CACNB4: variants seen among roughly 807,000 people sequenced by gnomAD.
The protein encoded by CACNB4 is calcium voltage-gated channel auxiliary subunit beta 4.
CACNB4 carries 32 observed loss-of-function variants against 71.2 expected under a neutral mutation model. That is an observed-to-expected ratio of 0.45 (90% CI 0.34 to 0.60). The LOEUF (loss-of-function observed/expected upper bound fraction) is 0.60. CACNB4 is among the 20% of genes least tolerant of loss of function. The pLI is 0.01. For synonymous variants in CACNB4, 231 were observed against 236.9 expected (o/e 0.97, Z 0.23); for missense variants, 464 against 647.9 (o/e 0.72, Z 3.08).
In CACNB4 at chr2:151,841,848, C is replaced by T. The variant is rs142283317; in HGVS notation, c.1302+55G>A. On this transcript the variant is annotated intron_variant, in intron 13 of 13. Coordinates refer to ENST00000539935, the MANE Select transcript of CACNB4 (RefSeq NM_000726.5). ...TCCAGTCTCCATCCTAATCAAGTTC[C>T]CATAGAATTTTACATGTAAGGTTGT... 1,397 of 1,487,056 alleles carry T rather than the reference C, an allele frequency of 9.4e-4. 23 individuals are homozygous for T. The East Asian group carries it at 0.028, about 29-fold the overall frequency. 92.1% of individuals were successfully genotyped at this position (1,487,056 alleles called of 1,614,324 possible).
chr2:151,842,355 G>C (rs1490440828), intron 12 of CACNB4, among the ~76,000 whole-genome samples: 1 of 128,664 alleles, frequency 7.8e-6, no homozygotes, highest in East Asian at 2.6e-4. Context: ...TTTTAAGACG[G>C]AGTCTCATTC....
At chr2:152,030,968 C>A (rs943022382) in intron 2 of CACNB4, among the ~76,000 whole-genome samples, 2 of 152,168 alleles carry the variant, frequency 1.3e-5, no homozygotes, top group African/African-American at 2.4e-5. Flanking sequence ...ACAGCCTCAG[C>A]CCTGGGCAGA....
At chr2:152,017,572 G>GT (rs1261574816) in intron 2 of CACNB4, among the ~76,000 whole-genome samples, 2 of 151,964 alleles carry the variant, frequency 1.3e-5, no homozygotes, top group African/African-American at 4.8e-5. Flanking sequence ...GCCGGGCATG[G>GT]TGGCGGGTGC....
chr2:151,909,952 C>T (rs1051596602), intron 2 of CACNB4, among the ~76,000 whole-genome samples: 5 of 152,108 alleles, frequency 3.3e-5, no homozygotes, highest in South Asian at 2.1e-4. Context: ...CTTGAGGAAT[C>T]GCCATACTGT....
chr2:151,856,852 A>G (rs908671154), intron 10 of CACNB4: 2 of 152,070 alleles, frequency 1.3e-5, no homozygotes, highest in Non-Finnish European at 2.9e-5. Flanking sequence ...AGCTGGGACT[A>G]CAGGTGCACA....
chr2:152,073,691 G>T (rs531746165), intron 2 of CACNB4, among the ~76,000 whole-genome samples: 5 of 152,278 alleles, frequency 3.3e-5, no homozygotes, highest in African/African-American at 9.6e-5. Context: ...AAGAGATAAT[G>T]GTGGGCAGAT....
intron 2 of CACNB4, among the ~76,000 whole-genome samples, chr2:152,061,876 G>A (rs979794336): frequency 6.6e-6 from 1 of 151,826 alleles, no homozygotes; most frequent in African/African-American, 2.4e-5. Context: ...GCTGGGTGTG[G>A]TGGCACACAC....
chr2:152,007,771 G>A (rs1045022933), intron 2 of CACNB4, among the ~76,000 whole-genome samples: 6 of 145,066 alleles, frequency 4.1e-5, no homozygotes, highest in Non-Finnish European at 8.9e-5. Context: ...GTAATTCTAC[G>A]TAATTTTTTT....
At chr2:151,885,232 T>C (rs2099849061) in intron 2 of CACNB4, among the ~76,000 whole-genome samples, 1 of 152,218 alleles carries the variant, frequency 6.6e-6, no homozygotes, top group Non-Finnish European at 1.5e-5. Flanking sequence ...TCTGAGACAG[T>C]CTTCTTGTCT....
rs1390035126 is a variant in CACNB4 at position 151,833,532 on chromosome 2, AG to A, written c.*5586del. 5.3e-5 allele frequency: 8 copies of A among 152,138 alleles called. No individual in the cohort carries two copies. Among genetic ancestry groups the A allele is most frequent in the Non-Finnish European group, 1.2e-4 (8 of 67,968 alleles). The allele number at this position is 152,138 out of a possible 1,614,324, so 9.4% of individuals were successfully genotyped here. A position where few individuals can be genotyped will look rare whatever the true frequency, so the allele number is the denominator to read the frequency against. ...AAATAAGAGGAGAAAATATGGTATG[AG>A]TGTTATCACAAAATAAAATTTAATA... On this transcript the variant is annotated 3_prime_UTR_variant, in exon 14 of 14. Coordinates refer to ENST00000539935, the MANE Select transcript of CACNB4 (RefSeq NM_000726.5).
chr2:151,891,372 A>G (rs1453073192), intron 2 of CACNB4, among the ~76,000 whole-genome samples: 2 of 152,230 alleles, frequency 1.3e-5, no homozygotes, highest in Non-Finnish European at 2.9e-5. Context: ...ACTTCTGAGA[A>G]AGGAGAAACT....
intron 2 of CACNB4, among the ~76,000 whole-genome samples, chr2:152,016,903 T>C (rs1421894198): frequency 2.0e-5 from 3 of 152,252 alleles, no homozygotes; most frequent in Non-Finnish European, 4.4e-5. Flanking sequence ...AATCAGGCTT[T>C]ATTATCATCT....
intron 2 of CACNB4, among the ~76,000 whole-genome samples, chr2:151,982,526 T>C (rs976006098): frequency 2.7e-5 from 4 of 150,376 alleles, no homozygotes; most frequent in East Asian, 2.0e-4. Flanking sequence ...CCCAGCTACT[T>C]GGGAGGCTGA....
intron 2 of CACNB4, among the ~76,000 whole-genome samples, chr2:151,944,581 C>T (rs977394866): frequency 2.0e-5 from 3 of 152,096 alleles, no homozygotes; most frequent in Non-Finnish European, 4.4e-5. Context: ...CACCTGAGGT[C>T]AGGAGTTCGA....
chr2:151,862,769 C>A (rs182179636), intron 9 of CACNB4, among the ~76,000 whole-genome samples: 1 of 152,346 alleles, frequency 6.6e-6, no homozygotes, highest in Admixed American at 6.5e-5. Context: ...TTAGTTACAG[C>A]TCAGGTCTAA....
chr2:152,007,794 C>T (rs1014728432), intron 2 of CACNB4, among the ~76,000 whole-genome samples: 5 of 149,022 alleles, frequency 3.4e-5, no homozygotes, highest in African/African-American at 7.5e-5. Context: ...TTTTTTGAGA[C>T]GGAGTCTCGC....
chr2:151,946,597 C>T (rs2099865677), intron 2 of CACNB4, among the ~76,000 whole-genome samples: 3 of 152,122 alleles, frequency 2.0e-5, no homozygotes, highest in Admixed American at 6.5e-5. Context: ...ATTCTGAGAA[C>T]GTGAGCCACA....
intron 2 of CACNB4, among the ~76,000 whole-genome samples, chr2:151,963,097 G>A (rs907100943): frequency 1.3e-5 from 2 of 152,036 alleles, no homozygotes; most frequent in African/African-American, 2.4e-5. Context: ...CAGATCACAA[G>A]GTCAGGAGAT....
At chr2:152,077,284 G>T (rs1258476189) in intron 2 of CACNB4, among the ~76,000 whole-genome samples, 1 of 152,224 alleles carries the variant, frequency 6.6e-6, no homozygotes, top group African/African-American at 2.4e-5. Context: ...GCCAGGCACG[G>T]TGGCTCATGC....
Sources: allele counts gnomAD v4.1 joint callset (sites outside exome capture counted in the v4.1 genomes callset), GRCh38; gene constraint gnomAD v4.1.1; transcripts MANE v1.5; gene names NCBI Gene and HGNC (gene_info 2026-07-23, HGNC 2026-07-21).